Variants in L3MBTL1 observed in about 807,000 individuals in gnomAD.
The protein encoded by L3MBTL1 is L3MBTL histone methyl-lysine binding protein 1, also known as lethal(3)malignant brain tumor-like protein 1.
In L3MBTL1, 75 loss-of-function variants were observed where a neutral mutation model predicts 105.3. The observed-to-expected ratio is 0.71, with a 90% CI of 0.59 to 0.86. L3MBTL1 has a LOEUF of 0.86. Among genes scored for constraint, L3MBTL1 ranks in the 40% least tolerant of loss-of-function variants. The probability of loss-of-function intolerance (pLI) is 0.00; values close to 1 mark genes in which losing one functional copy is unlikely to be tolerated. For synonymous variants in L3MBTL1, 452 were observed against 436.2 expected, an observed-to-expected ratio of 1.04 and a Z score of -0.45; for missense variants, 1,069 against 1,126.4, an observed-to-expected ratio of 0.95 and a Z score of 0.73.
intron 7 of L3MBTL1, among the ~76,000 whole-genome samples, chr20:43,519,086 C>T (rs1050975252): frequency 6.6e-6 from 1 of 151,400 alleles, no homozygotes; most frequent in African/African-American, 2.4e-5. Flanking sequence ...CCTGTAATCC[C>T]AGCACTTTGG....
intron 7 of L3MBTL1, among the ~76,000 whole-genome samples, chr20:43,526,545 G>A (rs78311790): frequency 6.6e-6 from 1 of 152,354 alleles, no homozygotes; most frequent in Non-Finnish European, 1.5e-5. Context: ...GTAGGTCCTT[G>A]AGAGTTTGAT....
chr20:43,514,394 G>A, intron 3 of L3MBTL1: 1 of 1,428,248 alleles, frequency 7.0e-7, no homozygotes. Context: ...GGGCCTGTGG[G>A]AGCCTGGGGG....
rs1369891501 is a variant in L3MBTL1 at position 43,540,328 on chromosome 20, C to T, written c.2331+20C>T. On this transcript the variant is annotated intron_variant, in intron 20 of 21. Transcript: ENST00000418998. Reference sequence around the variant, plus strand: ...GATGAGGTGAGGAGCGAGGGCCCTTCTTTATCCTTCTCTTCCTCTCCTCCT... The same window carrying T: ...GATGAGGTGAGGAGCGAGGGCCCTTTTTTATCCTTCTCTTCCTCTCCTCCT... 1 of 1,609,686 alleles carries T rather than the reference C, an allele frequency of 6.2e-7. No homozygotes were observed. Among genetic ancestry groups the T allele is most frequent in the East Asian group, 2.2e-5 (1 of 44,776 alleles).
chr20:43,549,092 G>A (rs947152972), exon 19 of L3MBTL1: 8 of 152,212 alleles, frequency 5.3e-5, no homozygotes, highest in Admixed American at 2.0e-4. Context: ...AGTAAGCCTA[G>A]CCTGCCAGTA....
chr20:43,508,435 T>C (rs1401428888), intron 1 of L3MBTL1, among the ~76,000 whole-genome samples: 3 of 152,236 alleles, frequency 2.0e-5, no homozygotes, highest in Admixed American at 2.0e-4. Flanking sequence ...GCCCCAAGTT[T>C]GTAGCGCTCA....
chr20:43,522,429 T>TAATGGTAA (rs2018762878), intron 7 of L3MBTL1, among the ~76,000 whole-genome samples: 1 of 150,144 alleles, frequency 6.7e-6, no homozygotes, highest in African/African-American at 2.4e-5. Flanking sequence ...TGTGGGATTG[T>TAATGGTAA]AATGGTAACT....
At chr20:43,526,627 G>T (rs1286368806) in intron 7 of L3MBTL1, among the ~76,000 whole-genome samples, 1 of 152,224 alleles carries the variant, frequency 6.6e-6, no homozygotes, top group African/African-American at 2.4e-5. Context: ...AGATCTCAAG[G>T]TTTGGTACAG....
At chr20:43,514,130 G>T in intron 3 of L3MBTL1, 69 bp downstream of exon 3, 1 of 1,331,878 alleles carries the variant, frequency 7.5e-7, no homozygotes, top group Non-Finnish European at 1.0e-6. Context: ...CAGGCCCGGA[G>T]GCTGGACCTG....
intron 11 of L3MBTL1, 74 bp from the exon 12 acceptor site, chr20:43,532,699 T>G: frequency 6.6e-7 from 1 of 1,514,852 alleles, no homozygotes; most frequent in African/African-American, 1.4e-5. Flanking sequence ...ACCTATTCCT[T>G]TGTTTGCCAA....
chr20:43,533,001 A>G, intron 12 of L3MBTL1, 77 bp downstream of exon 12: 2 of 1,435,478 alleles, frequency 1.4e-6, no homozygotes, highest in Admixed American at 1.8e-5. Context: ...CTCAGGTACC[A>G]TGTGGCACCA....
chr20:43,525,536 A>G (rs1181998413), intron 7 of L3MBTL1, among the ~76,000 whole-genome samples: 3 of 150,506 alleles, frequency 2.0e-5, no homozygotes, highest in Non-Finnish European at 3.0e-5. Context: ...GTACCTATGT[A>G]TAGTGCACAG....
downstream of L3MBTL1, among the ~76,000 whole-genome samples, chr20:43,544,708 T>G (rs1024594261): frequency 6.6e-6 from 1 of 152,182 alleles, no homozygotes; most frequent in Non-Finnish European, 1.5e-5. Flanking sequence ...TTCACTCCTG[T>G]AATCCCAGCA....
chr20:43,530,629 T>TA, intron 10 of L3MBTL1, 169 bp from the exon 11 acceptor site: 2 of 778,868 alleles, frequency 2.6e-6, no homozygotes, highest in African/African-American at 1.7e-5. Context: ...GCCCTTTGAG[T>TA]GTCTACTCAA....
At chr20:43,510,791 C>T (rs2018115857) in intron 1 of L3MBTL1, among the ~76,000 whole-genome samples, 5 of 150,856 alleles carry the variant, frequency 3.3e-5, no homozygotes, top group Admixed American at 3.3e-4. Flanking sequence ...GATCATGGCT[C>T]ACTGCAGCCT....
chr20:43,523,226 C>T (rs566867782), intron 7 of L3MBTL1: 179 of 156,180 alleles, frequency 1.1e-3, no homozygotes, highest in African/African-American at 4.1e-3. Context: ...TTAAAGAGTC[C>T]AAGCTGGAAG....
chr20:43,515,422 A>C lies in L3MBTL1; in HGVS notation c.777+7A>C. 5 of 1,554,386 alleles carry C rather than the reference A, an allele frequency of 3.2e-6. No homozygotes were observed. Among genetic ancestry groups the C allele is most frequent in the Non-Finnish European group, 4.4e-6 (5 of 1,147,816 alleles). ...GTCGGAGCCAGAGGCCATGGTAGGA[A>C]GAGGGCAGTGGGGAAGGGAGGGGGA... On this transcript the variant is annotated splice_region_variant and intron_variant, in intron 6 of 21. Transcript: ENST00000418998.
rs1002619992 is a variant in L3MBTL1, at chr20:43,529,380, C to T, written c.1056+12C>T. On this transcript the variant is annotated intron_variant, in intron 9 of 21. Coordinates refer to ENST00000418998, the MANE Select transcript of L3MBTL1 (RefSeq NM_001377303.1). The stretch of plus-strand genomic sequence containing the variant: ...TCACCGTGGCTGAGGTGAGCTGGGG[C>T]TTGGTACCACCTTTCTGATGATGTC... The T allele has an allele frequency of 6.4e-7, 1 of 1,572,090 alleles. No homozygotes were observed. The highest frequency in any genetic ancestry group is 8.7e-7 in the Non-Finnish European group (1 of 1,145,272).
At chr20:43,530,706 G>T in intron 10 of L3MBTL1, 92 bp from the exon 11 acceptor site, 1 of 1,224,354 alleles carries the variant, frequency 8.2e-7, no homozygotes, top group Non-Finnish European at 1.2e-6. Flanking sequence ...GAGGTCCTCA[G>T]GCATGCCTGA....
intron 11 of L3MBTL1, chr20:43,531,238 G>T: frequency 4.5e-6 from 1 of 220,498 alleles, no homozygotes; most frequent in Non-Finnish European, 9.0e-6. Flanking sequence ...TAAGGTCAAT[G>T]CCTCTATTCT....
Sources: allele counts gnomAD v4.1 joint callset (sites outside exome capture counted in the v4.1 genomes callset), GRCh38; gene constraint gnomAD v4.1.1; transcripts MANE v1.5; gene names NCBI Gene and HGNC (gene_info 2026-07-23, HGNC 2026-07-21).